The following GRK3 variants were observed in gnomAD, a reference collection of about 807,000 sequenced individuals.
The protein encoded by GRK3 is adrenergic, beta, receptor kinase 2.
In GRK3, 54 loss-of-function variants were observed where a neutral mutation model predicts 95.7. The ratio of observed to expected loss-of-function variants is 0.56; its 90% CI spans 0.45 to 0.71. The LOEUF (loss-of-function observed/expected upper bound fraction) is 0.71. Among genes scored for constraint, GRK3 ranks in the 30% least tolerant of loss-of-function variants. The probability of loss-of-function intolerance (pLI) is 0.00; values close to 1 mark genes in which losing one functional copy is unlikely to be tolerated. For synonymous variants in GRK3, 281 were observed against 290.8 expected (o/e 0.97, Z 0.34); for missense variants, 649 against 851.2 (o/e 0.76, Z 2.96).
Position 25,565,168 on chromosome 22 carries a change from G to A in GRK3, c.113+15G>A. The A allele has an allele frequency of 7.0e-7, 1 of 1,422,840 alleles. No homozygotes were observed. Among genetic ancestry groups the A allele is most frequent in the Non-Finnish European group, 9.4e-7 (1 of 1,062,590 alleles). The allele number at this position is 1,422,840 out of a possible 1,614,324, so 88.1% of individuals were successfully genotyped here. ...CCGGAGCCCAGGTACCAGCTGCCCCGGCCGGCGCCGGCCCCAAGCCGCCGC... is the reference window on the plus strand; with the variant it reads ...CCGGAGCCCAGGTACCAGCTGCCCCAGCCGGCGCCGGCCCCAAGCCGCCGC... On this transcript the variant is annotated intron_variant, in intron 1 of 20. Transcript: ENST00000324198.
Position 25,619,493 on chromosome 22 carries a change from G to A in GRK3, c.190+15040G>A, listed in dbSNP as rs986604629. 4.6e-5 allele frequency among the ~76,000 whole-genome samples: 7 copies of A among 152,018 alleles called. 1 individual carries two copies. The Middle Eastern group carries it at 0.01, about 222-fold the overall frequency. ...AGCTGAGTAAGGAGTTTTTGTTGTCGTTGTTTTCGATAAAGGGTCTTGCTC... is the reference window on the plus strand; with the variant it reads ...AGCTGAGTAAGGAGTTTTTGTTGTCATTGTTTTCGATAAAGGGTCTTGCTC... On this transcript the variant is annotated intron_variant, in intron 2 of 20. Coordinates refer to ENST00000324198, the MANE Select transcript of GRK3 (RefSeq NM_005160.4).
intron 3 of GRK3, among the ~76,000 whole-genome samples, chr22:25,649,747 T>C (rs1308580564): frequency 6.6e-6 from 1 of 152,234 alleles, no homozygotes; most frequent in Non-Finnish European, 1.5e-5. Flanking sequence ...GCAATCTTAA[T>C]ATATGCCTCC....
chr22:25,684,830 A>G (rs2085100425), intron 9 of GRK3, among the ~76,000 whole-genome samples: 1 of 152,198 alleles, frequency 6.6e-6, no homozygotes, highest in South Asian at 2.1e-4. Context: ...AAAAATTACC[A>G]TATAGGTGTT....
At chr22:25,636,415 A>G (rs2084702000) in intron 2 of GRK3, among the ~76,000 whole-genome samples, 1 of 152,174 alleles carries the variant, frequency 6.6e-6, no homozygotes, top group South Asian at 2.1e-4. Context: ...TTCTCTTTCC[A>G]TATTTTAACT....
At chr22:25,588,064 G>T (rs184400388) in intron 1 of GRK3, among the ~76,000 whole-genome samples, 1 of 152,212 alleles carries the variant, frequency 6.6e-6, no homozygotes. Context: ...CCCTCAAAGC[G>T]CTGGGATTAC....
chr22:25,692,430 A>C (rs1042955577), intron 12 of GRK3, among the ~76,000 whole-genome samples: 5 of 152,210 alleles, frequency 3.3e-5, no homozygotes, highest in Non-Finnish European at 7.3e-5. Flanking sequence ...GATAGTTGTG[A>C]GGATTAAGTT....
intron 6 of GRK3, among the ~76,000 whole-genome samples, chr22:25,670,087 G>C (rs2084968986): frequency 6.6e-6 from 1 of 152,302 alleles, no homozygotes; most frequent in Middle Eastern, 3.4e-3. Context: ...CTCTTTGTGA[G>C]TCATTTTAGA....
intron 2 of GRK3, among the ~76,000 whole-genome samples, chr22:25,620,140 G>A (rs995748018): frequency 1.3e-5 from 2 of 151,680 alleles, no homozygotes; most frequent in Admixed American, 6.6e-5. Context: ...AGGGAGGGGC[G>A]CTTCAAAGCC....
At chr22:25,567,002 T>C (rs777935615) in intron 1 of GRK3, among the ~76,000 whole-genome samples, 3 of 152,168 alleles carry the variant, frequency 2.0e-5, no homozygotes, top group Non-Finnish European at 4.4e-5. Context: ...TCTGCTTTTT[T>C]AGTGTCCCTC....
Position 25,646,793 on chromosome 22 carries a change from C to T in GRK3, c.264+2128C>T, listed in dbSNP as rs9613001. Among the ~76,000 whole-genome samples the T allele has an allele frequency of 8.8e-3, 1,345 of 152,002 alleles. 11 individuals are homozygous for T. The highest frequency in any genetic ancestry group is 0.013 in the Non-Finnish European group (874 of 67,950). ...ATCCCAGCACTTTGAGAGGCCAAGG[C>T]GGGTGGATCACGAGGTCAGGAGTTC... is the stretch of plus-strand genomic sequence containing the variant. On this transcript the variant is annotated intron_variant, in intron 3 of 20. Coordinates refer to ENST00000324198, the MANE Select transcript of GRK3 (RefSeq NM_005160.4).
chr22:25,578,888 G>A (rs1377916448), intron 1 of GRK3, among the ~76,000 whole-genome samples: 1 of 152,034 alleles, frequency 6.6e-6, no homozygotes, highest in East Asian at 1.9e-4. Context: ...CACCAAGTTT[G>A]TGGTAATTTA....
chr22:25,589,548 A>G (rs781450898), intron 1 of GRK3, among the ~76,000 whole-genome samples: 20 of 152,220 alleles, frequency 1.3e-4, no homozygotes, highest in Admixed American at 3.3e-4. Flanking sequence ...TATGATATAC[A>G]TAACTCTTAT....
chr22:25,709,187 G>A (rs1363798501), intron 15 of GRK3, among the ~76,000 whole-genome samples: 1 of 152,008 alleles, frequency 6.6e-6, no homozygotes, highest in Non-Finnish European at 1.5e-5. Flanking sequence ...ACAGGCGCCC[G>A]TCACCATGCC....
intron 18 of GRK3, 48 bp from the exon 19 acceptor site, chr22:25,718,197 A>G: frequency 3.2e-6 from 5 of 1,585,912 alleles, no homozygotes; most frequent in Non-Finnish European, 4.3e-6. Flanking sequence ...CTGCTAAGAC[A>G]TTTTGTTTCA....
At chr22:25,717,177 A>G (rs997207223) in intron 18 of GRK3, among the ~76,000 whole-genome samples, 3 of 152,334 alleles carry the variant, frequency 2.0e-5, no homozygotes, top group Non-Finnish European at 4.4e-5. Flanking sequence ...GGATATATGT[A>G]GGTTCTATGC....
At chr22:25,676,461 G>A (rs1275670045) in intron 8 of GRK3, among the ~76,000 whole-genome samples, 1 of 152,146 alleles carries the variant, frequency 6.6e-6, no homozygotes, top group African/African-American at 2.4e-5. Context: ...GGAGGCTGAG[G>A]TGGGCCGATC....
chr22:25,622,732 C>G (rs1056268794), intron 2 of GRK3, among the ~76,000 whole-genome samples: 2 of 152,074 alleles, frequency 1.3e-5, no homozygotes, highest in Admixed American at 6.5e-5. Context: ...TCTGGAGACC[C>G]CTGTCGCATT....
At chr22:25,654,394 T>C (rs2084855580) in intron 3 of GRK3, among the ~76,000 whole-genome samples, 1 of 152,194 alleles carries the variant, frequency 6.6e-6, no homozygotes, top group Non-Finnish European at 1.5e-5. Flanking sequence ...TTCTCATTTA[T>C]ATATGAAAAT....
At chr22:25,565,740 G>A (rs994949195) in intron 1 of GRK3, among the ~76,000 whole-genome samples, 1 of 152,002 alleles carries the variant, frequency 6.6e-6, no homozygotes, top group African/African-American at 2.4e-5. Flanking sequence ...CACCTTCTTC[G>A]GCTTCTCTTC....
Sources: gnomAD v4.1 joint callset for allele counts (sites outside exome capture counted in the v4.1 genomes callset) on GRCh38, gnomAD v4.1.1 for gene constraint, MANE v1.5 for transcripts, NCBI Gene and HGNC (gene_info 2026-07-23, HGNC 2026-07-21) for gene names.